APBB2: variants seen among roughly 807,000 people sequenced by gnomAD.
APBB2 encodes Fe65-like 1.
Under a neutral mutation model 82.5 loss-of-function variants are expected in APBB2, and 38 were observed. The ratio of observed to expected loss-of-function variants is 0.46; its 90% CI spans 0.36 to 0.60. The LOEUF (loss-of-function observed/expected upper bound fraction) is 0.60, where lower values mean the gene tolerates loss of function less well. APBB2 is among the 20% of genes least tolerant of loss of function. The pLI is 0.00. For missense variants in APBB2, 772 were observed against 972.3 expected, an observed-to-expected ratio of 0.79 and a Z score of 2.74; for synonymous variants, 341 against 368.2, an observed-to-expected ratio of 0.93 and a Z score of 0.85.
intron 10 of APBB2, among the ~76,000 whole-genome samples, chr4:40,931,626 A>G (rs1187809351): frequency 6.6e-6 from 1 of 152,118 alleles, no homozygotes; most frequent in Non-Finnish European, 1.5e-5. Context: ...TTAAATAATC[A>G]CCAGGAGGCA....
intron 5 of APBB2, among the ~76,000 whole-genome samples, chr4:41,020,622 A>C (rs1811224684): frequency 6.6e-6 from 1 of 152,232 alleles, no homozygotes. Context: ...CTTATAAGGT[A>C]ATCCCAAATT....
At chr4:40,889,206 C>G (rs1007139265) in intron 12 of APBB2, among the ~76,000 whole-genome samples, 4 of 152,262 alleles carry the variant, frequency 2.6e-5, no homozygotes, top group Admixed American at 6.5e-5. Flanking sequence ...CACTTCAGCT[C>G]TCTCCTTTGC....
rs1210501227 is a variant in APBB2, at chr4:40,832,830, C to T, written c.1530-2253G>A. On this transcript the variant is annotated intron_variant, in intron 12 of 17. Transcript: ENST00000508593. The surrounding 1 kb of genome is among the most constrained non-coding windows in gnomAD (Gnocchi z 4.8). ...ATCCCAGCGTCTAGTTCAGGCCTGG[C>T]GTATCACCGGTACTAATACATGTTT... Among the ~76,000 whole-genome samples the T allele has an allele frequency of 6.6e-6, 1 of 152,186 alleles. No homozygotes were observed. Among genetic ancestry groups the T allele is most frequent in the African/African-American group, 2.4e-5 (1 of 41,452 alleles).
chr4:41,009,777 C>T (rs1402076163), intron 6 of APBB2, among the ~76,000 whole-genome samples: 1 of 152,124 alleles, frequency 6.6e-6, no homozygotes, highest in Non-Finnish European at 1.5e-5. Context: ...GATATTTGCT[C>T]TCGTTTTCTC....
chr4:41,204,497 G>C (rs74559818), intron 1 of APBB2, among the ~76,000 whole-genome samples: 3,545 of 152,272 alleles, frequency 0.023, 74 homozygotes, highest in Non-Finnish European at 0.036. Context: ...GTGCACTGTG[G>C]AATAGACTTA....
chr4:40,982,376 AAGGAAGGAAGG>A (rs1267981278), intron 6 of APBB2, among the ~76,000 whole-genome samples: 276 of 15,508 alleles, frequency 0.018, 13 homozygotes, highest in African/African-American at 0.042. Flanking sequence ...GGAAGGAAGG[AAGGAAGGAAGG>A]AAGGAAAGGA....
intron 2 of APBB2, among the ~76,000 whole-genome samples, chr4:41,134,056 G>T (rs1756839734): frequency 6.6e-6 from 1 of 151,986 alleles, no homozygotes; most frequent in Non-Finnish European, 1.5e-5. Context: ...CTAAAACCTT[G>T]ACCTCCTGGG....
chr4:41,041,824 T>C (rs1259902232), intron 4 of APBB2, among the ~76,000 whole-genome samples: 1 of 152,180 alleles, frequency 6.6e-6, no homozygotes, highest in Non-Finnish European at 1.5e-5. Flanking sequence ...TTTTCTGAAA[T>C]GTATCCCAGG....
intron 4 of APBB2, among the ~76,000 whole-genome samples, chr4:41,039,943 TCCTGGAGATCTTTGTATA>T (rs1427527904): frequency 6.6e-6 from 1 of 152,110 alleles, no homozygotes; most frequent in African/African-American, 2.4e-5. Flanking sequence ...AAAAGCAATG[TCCTGGAGATCTTTGTATA>T]CCTGGCATAA....
Position 40,936,262 on chromosome 4 carries a change from A to T in APBB2, c.1045-1123T>A, listed in dbSNP as rs975268442. Among the ~76,000 whole-genome samples the T allele has an allele frequency of 3.3e-5, 5 of 152,106 alleles. No individual in the cohort carries two copies. In the East Asian group the frequency reaches 7.7e-4, roughly 23 times the overall value. On this transcript the variant is annotated intron_variant, in intron 7 of 17. Coordinates refer to ENST00000508593, the MANE Select transcript of APBB2 (RefSeq NM_004307.2). ...AAAGATGCATTTATTTTGTTTAAAA[A>T]TTTTTTTGAGACAGGGTCTCACTCT...
intron 1 of APBB2, among the ~76,000 whole-genome samples, chr4:41,190,993 C>T (rs962351616): frequency 4.6e-5 from 7 of 152,170 alleles, no homozygotes; most frequent in South Asian, 2.1e-4. Flanking sequence ...CCCATGTGGA[C>T]CATGCTTTGA....
chr4:41,112,789 A>T (rs1749654850), intron 2 of APBB2, among the ~76,000 whole-genome samples: 2 of 152,174 alleles, frequency 1.3e-5, no homozygotes, highest in African/African-American at 2.4e-5. Flanking sequence ...GGAGTTCGAG[A>T]CCAGCCTGAC....
chr4:41,044,236 T>C (rs1388102194), intron 4 of APBB2, among the ~76,000 whole-genome samples: 1 of 152,246 alleles, frequency 6.6e-6, no homozygotes, highest in Admixed American at 6.5e-5. Context: ...GATTCTTTCC[T>C]AACTACTTTC....
At chr4:41,052,065 T>A (rs2153841908) in intron 4 of APBB2, among the ~76,000 whole-genome samples, 1 of 152,270 alleles carries the variant, frequency 6.6e-6, no homozygotes, top group South Asian at 2.1e-4. Flanking sequence ...TTTCACTGGT[T>A]ACCAAATAAA....
chr4:40,936,933 C>A (rs1414518301), intron 7 of APBB2, among the ~76,000 whole-genome samples: 2 of 152,212 alleles, frequency 1.3e-5, no homozygotes, highest in Non-Finnish European at 2.9e-5. Flanking sequence ...GAGAAAGATG[C>A]CCAATTTTTC....
chr4:40,918,083 A>G (rs1407696393), intron 10 of APBB2, among the ~76,000 whole-genome samples: 2 of 152,252 alleles, frequency 1.3e-5, no homozygotes, highest in Non-Finnish European at 2.9e-5. Flanking sequence ...TTCACACTTT[A>G]GCACATAAAA....
At chr4:41,033,584 T>TCTCACACACACACACA (rs1355663784) in intron 4 of APBB2, among the ~76,000 whole-genome samples, 2 of 130,772 alleles carry the variant, frequency 1.5e-5, no homozygotes, top group Non-Finnish European at 3.2e-5. Flanking sequence ...CTTTTTCTCA[T>TCTCACACACACACACA]CACACACACA....
At position 40,813,585 on chromosome 4, in the gene APBB2, A is replaced by C. The variant is rs1489169541; in HGVS notation, c.*2507T>G. The C allele has an allele frequency of 6.6e-6, 1 of 152,268 alleles. No individual in the cohort carries two copies. Among genetic ancestry groups the C allele is most frequent in the African/African-American group, 2.4e-5 (1 of 41,476 alleles). 9.4% of individuals were successfully genotyped at this position (152,268 alleles called of 1,614,324 possible). ...CATTTACTATACAATGCCATTTTCAAAACAAAACGTCTGCAAAGTTTTCAA... is the reference window on the plus strand; with the variant it reads ...CATTTACTATACAATGCCATTTTCACAACAAAACGTCTGCAAAGTTTTCAA... On this transcript the variant is annotated 3_prime_UTR_variant, in exon 18 of 18. Coordinates refer to ENST00000508593, the MANE Select transcript of APBB2 (RefSeq NM_004307.2).
chr4:40,874,777 A>G (rs762340787), intron 12 of APBB2, among the ~76,000 whole-genome samples: 1 of 152,184 alleles, frequency 6.6e-6, no homozygotes, highest in Non-Finnish European at 1.5e-5. Context: ...AGAACATTGC[A>G]TACAGTGTTT....
Sources: gnomAD v4.1 joint callset for allele counts (sites outside exome capture counted in the v4.1 genomes callset) on GRCh38, gnomAD v4.1.1 for gene constraint, Gnocchi (gnomAD v3.1) non-coding constraint, MANE v1.5 for transcripts, NCBI Gene and HGNC (gene_info 2026-07-23, HGNC 2026-07-21) for gene names.